The following ITGA6 variants were observed in gnomAD, a reference collection of about 807,000 sequenced individuals.
The protein encoded by ITGA6 is integrin subunit alpha 6.
In ITGA6, 63 loss-of-function variants were observed where a neutral mutation model predicts 133.6. The observed-to-expected ratio is 0.47, with a 90% CI of 0.38 to 0.58. The LOEUF (loss-of-function observed/expected upper bound fraction) is 0.58, where lower values mean the gene tolerates loss of function less well. Among genes scored for constraint, ITGA6 ranks in the 20% least tolerant of loss-of-function variants. ITGA6 has a pLI of 0.00. For missense variants in ITGA6, 1,068 were observed against 1,309.4 expected (o/e 0.82, Z 2.85); for synonymous variants, 434 against 482.0 (o/e 0.90, Z 1.30).
At position 172,488,014 on chromosome 2, in the gene ITGA6, T is replaced by C. The variant is rs1479190432; in HGVS notation, c.2378T>C (p.Ile793Thr). Residue 793 changes from isoleucine to threonine, a missense_variant, in exon 18 of 26, where the codon ATT becomes ACT. Ile to Thr is a moderately conservative substitution (Grantham distance 89, BLOSUM62 -1). Transcript: ENST00000684293. The stretch of plus-strand genomic sequence containing the variant: ...ATTACAGCTAAAGCAAAAGTGGTTA[T>C]TGAACTGCTTTTATCGGTCTCGGGG... Reference protein sequence around the residue: ...APITAKAKVVIELLLSVSGVA... With the variant: ...APITAKAKVVTELLLSVSGVA... 3.7e-6 allele frequency: 6 copies of C among 1,614,046 alleles called. No homozygotes were observed. The highest frequency in any genetic ancestry group is 5.1e-6 in the Non-Finnish European group (6 of 1,179,892).
intron 1 of ITGA6, among the ~76,000 whole-genome samples, chr2:172,441,558 T>TAAAAAAAAAAAAAA (rs1559116474): frequency 4.6e-5 from 3 of 64,856 alleles, no homozygotes; most frequent in Admixed American, 1.9e-4. Flanking sequence ...CGCTGTCTCT[T>TAAAAAAAAAAAAAA]TAAAAAAAAA....
At chr2:172,492,813 T>G (rs1461442802) in intron 23 of ITGA6, among the ~76,000 whole-genome samples, 1 of 152,236 alleles carries the variant, frequency 6.6e-6, no homozygotes, top group Non-Finnish European at 1.5e-5. Flanking sequence ...CTTCAGTCAT[T>G]TAGCTAGCTG....
At chr2:172,459,995 A>G (rs943311517) in intron 1 of ITGA6, among the ~76,000 whole-genome samples, 1 of 152,230 alleles carries the variant, frequency 6.6e-6, no homozygotes, top group Non-Finnish European at 1.5e-5. Context: ...AAAGGCAATG[A>G]GAAAAGCCAA....
At chr2:172,495,776 C>T (rs532392638) in intron 23 of ITGA6, among the ~76,000 whole-genome samples, 1 of 152,338 alleles carries the variant, frequency 6.6e-6, no homozygotes, top group South Asian at 2.1e-4. Context: ...CCCATCCACC[C>T]TGCCACTCCA....
chr2:172,465,628 G>C lies in ITGA6; in HGVS notation c.272G>C (p.Arg91Pro), dbSNP rs200823590. The C allele has an allele frequency of 3.7e-6, 6 of 1,614,174 alleles. No homozygotes were observed. The highest frequency in any genetic ancestry group is 2.2e-5 in the East Asian group (1 of 44,886). Residue 91 changes from arginine to proline, a missense_variant, in exon 2 of 26, where the codon CGG becomes CCG. Physicochemically the swap from Arg to Pro is moderately radical, Grantham distance 103. Coordinates refer to ENST00000684293, the MANE Select transcript of ITGA6 (RefSeq NM_000210.4). ...CTGTACAGCTGCGACATCACCGCCCGGGGGCCATGCACGCGGATCGAGTTT... is the reference window on the plus strand; with the variant it reads ...CTGTACAGCTGCGACATCACCGCCCCGGGGCCATGCACGCGGATCGAGTTT... ...GGLYSCDITA[R>P]GPCTRIEFDN... is the part of the protein sequence containing the mutation.
At chr2:172,485,047 A>G in intron 12 of ITGA6, 74 bp from the exon 13 acceptor site, 2 of 1,595,976 alleles carry the variant, frequency 1.3e-6, no homozygotes, top group Non-Finnish European at 1.7e-6. Flanking sequence ...CTTAATCAAT[A>G]CAAAATCATT....
chr2:172,438,235 G>C (rs1367369459), intron 1 of ITGA6, among the ~76,000 whole-genome samples: 1 of 151,690 alleles, frequency 6.6e-6, no homozygotes, highest in Non-Finnish European at 1.5e-5. Flanking sequence ...GAGAACTGTT[G>C]GTGTGACCTC....
Position 172,491,111 on chromosome 2 carries a change from T to TA in ITGA6, c.2768dup (p.Tyr923Ter). 6.6e-7 allele frequency: 1 copy of TA among 1,515,810 alleles called. No individual in the cohort carries two copies. The highest frequency in any genetic ancestry group is 9.2e-7 in the Non-Finnish European group (1 of 1,090,428). The allele number at this position is 1,515,810 out of a possible 1,614,324, so 93.9% of individuals were successfully genotyped here. A position where few individuals can be genotyped will look rare whatever the true frequency, so the allele number is the denominator to read the frequency against. Residue 923 changes from tyrosine (Y) to a stop codon, truncating the protein, a stop_gained and frameshift_variant, in exon 21 of 26, where the codon TAC becomes TAAC. Transcript: ENST00000684293. LOFTEE classifies it high-confidence loss of function. This position sits in a 1 kb window ranked among gnomAD's most constrained non-coding sequence, Gnocchi z 4.4. ...ATTTTCTTTATTTGCTGAAAGAAAA[T>TA]ACCAGACTCTTGTAAGTATTTTTCA... ...RKFSLFAERK[Y>*]QTLNCSVNVN...
chr2:172,469,556 G>A (rs1685829072), intron 4 of ITGA6, among the ~76,000 whole-genome samples, 176 bp downstream of exon 4: 1 of 152,142 alleles, frequency 6.6e-6, no homozygotes, highest in African/African-American at 2.4e-5. Context: ...TGGAATATAT[G>A]TTTTGGTGTT....
chr2:172,470,912 C>T, intron 4 of ITGA6, 62 bp from the exon 5 acceptor site: 1 of 1,558,332 alleles, frequency 6.4e-7, no homozygotes, highest in Non-Finnish European at 8.8e-7. Context: ...TTATTAGGAA[C>T]CATTTATTTT....
In ITGA6 at chr2:172,479,840, G is replaced by C; in HGVS notation, c.1487+101G>C. The C allele has an allele frequency of 2.5e-6, 3 of 1,198,168 alleles. 1 individual carries two copies. The highest frequency in any genetic ancestry group is 3.7e-6 in the Non-Finnish European group (3 of 801,170). 74.2% of individuals were successfully genotyped at this position (1,198,168 alleles called of 1,614,324 possible). Reference sequence around the variant, plus strand: ...GAGCCACAGGGAAGATGACAGGAGTGCTGGGCAAAGGGAAGAGGGTCTGTC... The same window carrying C: ...GAGCCACAGGGAAGATGACAGGAGTCCTGGGCAAAGGGAAGAGGGTCTGTC... On this transcript the variant is annotated intron_variant, in intron 10 of 25. Coordinates refer to ENST00000684293, the MANE Select transcript of ITGA6 (RefSeq NM_000210.4).
intron 1 of ITGA6, among the ~76,000 whole-genome samples, chr2:172,454,070 G>GTT (rs374720736): frequency 7.0e-6 from 1 of 141,846 alleles, no homozygotes; most frequent in African/African-American, 2.7e-5. Context: ...AAAGTGGGAA[G>GTT]TTTTTTTTTT....
In ITGA6 at chr2:172,502,965, CTTTTTTTT is replaced by C. The variant is rs3838596; in HGVS notation, c.*22+1066_*22+1073del. ...TAGATAGGTACTTTGGCTTTTTTTT[CTTTTTTTT>C]TGCACAGAATAATAAATGAATCCAT... On this transcript the variant is annotated intron_variant, in intron 25 of 25. Coordinates refer to ENST00000684293, the MANE Select transcript of ITGA6 (RefSeq NM_000210.4). Among the ~76,000 whole-genome samples, 3 of 150,438 alleles carry C rather than the reference CTTTTTTTT, an allele frequency of 2.0e-5. No individual in the cohort carries two copies. The South Asian group carries it at 6.3e-4, about 32-fold the overall frequency.
intron 1 of ITGA6, among the ~76,000 whole-genome samples, chr2:172,434,387 C>G (rs1346195380): frequency 6.6e-6 from 1 of 152,186 alleles, no homozygotes; most frequent in East Asian, 1.9e-4. Flanking sequence ...AATCTGCTAT[C>G]TGGCTTTTCT....
rs543076195 is a variant in ITGA6, at chr2:172,482,958, T to C, written c.1550-1824T>C. Among the ~76,000 whole-genome samples the C allele has an allele frequency of 3.5e-3, 538 of 152,330 alleles. 4 individuals carry two copies. The highest frequency in any genetic ancestry group is 0.01 in the Middle Eastern group (3 of 294). ...ATCATATGTCTATCAGGTGTTGTGCTAGTTGCTGGGGACTGTGGTGGGGAA... is the reference window on the plus strand; with the variant it reads ...ATCATATGTCTATCAGGTGTTGTGCCAGTTGCTGGGGACTGTGGTGGGGAA... On this transcript the variant is annotated intron_variant, in intron 11 of 25. Coordinates refer to ENST00000684293, the MANE Select transcript of ITGA6 (RefSeq NM_000210.4).
Position 172,491,461 on chromosome 2 carries a change from C to G in ITGA6, c.2926C>G (p.Arg976Gly), listed in dbSNP as rs769808745. The change falls in exon 23 of 26, where the codon CGA becomes GGA. Residue 976 changes from arginine to glycine, a missense_variant. Coordinates refer to ENST00000684293, the MANE Select transcript of ITGA6 (RefSeq NM_000210.4). This position sits in a 1 kb window ranked among gnomAD's most constrained non-coding sequence, Gnocchi z 4.4. ...ACTGAACTACTTGGACATTCTCATG[C>G]GAGCCTTCATTGATGTGACTGCTGC... ...SKLNYLDILM[R>G]AFIDVTAAAE... is the part of the protein sequence containing the mutation. The G allele has an allele frequency of 6.2e-7, 1 of 1,613,672 alleles. No individual in the cohort carries two copies. The highest frequency in any genetic ancestry group is 1.3e-5 in the African/African-American group (1 of 74,888).
intron 24 of ITGA6, among the ~76,000 whole-genome samples, chr2:172,499,068 G>A (rs1285394926): frequency 6.6e-6 from 1 of 152,088 alleles, no homozygotes; most frequent in Non-Finnish European, 1.5e-5. Context: ...CAACCCCCTA[G>A]GATCAGACTA....
chr2:172,469,593 T>C (rs1008364661), intron 4 of ITGA6, among the ~76,000 whole-genome samples: 5 of 152,200 alleles, frequency 3.3e-5, no homozygotes, highest in African/African-American at 1.2e-4. Context: ...CTACCAGTAC[T>C]TTACTTTAAT....
intron 8 of ITGA6, among the ~76,000 whole-genome samples, 188 bp downstream of exon 8, chr2:172,475,873 G>A (rs1686153782): frequency 6.6e-6 from 1 of 152,162 alleles, no homozygotes; most frequent in African/African-American, 2.4e-5. Flanking sequence ...TGACTTGCTT[G>A]TTCTAATTGT....
Sources: gnomAD v4.1 joint callset for allele counts (sites outside exome capture counted in the v4.1 genomes callset) on GRCh38, gnomAD v4.1.1 for gene constraint, Gnocchi (gnomAD v3.1) non-coding constraint, MANE v1.5 for transcripts, NCBI Gene and HGNC (gene_info 2026-07-23, HGNC 2026-07-21) for gene names.